Variants in GPHN observed in about 807,000 individuals in gnomAD.
The protein encoded by GPHN is gephyrin.
In GPHN, 17 loss-of-function variants were observed where a neutral mutation model predicts 95.5. The observed-to-expected ratio is 0.18, with a 90% confidence interval of 0.12 to 0.27. The LOEUF is 0.27. Among genes scored for constraint, GPHN ranks in the 10% least tolerant of loss-of-function variants. The pLI, the probability that GPHN is intolerant of heterozygous loss-of-function variation, is 1.00. For synonymous variants in GPHN, 320 were observed against 322.5 expected (o/e 0.99, Z 0.08); for missense variants, 660 against 978.1 (o/e 0.67, Z 4.34).
At chr14:67,670,723 T>C in the GPHN span, among the ~76,000 whole-genome samples, 3 of 152,176 alleles carry the variant, frequency 2.0e-5, no homozygotes, top group Non-Finnish European at 2.9e-5. Context: ...GAGATGGGGT[T>C]TCACCATGTT....
the GPHN span, among the ~76,000 whole-genome samples, chr14:67,323,261 GTATATA>G: frequency 3.2e-5 from 4 of 124,134 alleles, no homozygotes; most frequent in African/African-American, 8.3e-5. Flanking sequence ...GTGTGTGTGT[GTATATA>G]TATATATGGC....
At chr14:66,916,562 G>T in intron 6 of GPHN, among the ~76,000 whole-genome samples, 1 of 122,630 alleles carries the variant, frequency 8.2e-6, no homozygotes, top group African/African-American at 3.0e-5. Flanking sequence ...CCATGTGAAT[G>T]ACCTTTAGTC....
At chr14:67,231,831 T>C in the GPHN span, among the ~76,000 whole-genome samples, 1 of 151,896 alleles carries the variant, frequency 6.6e-6, no homozygotes, top group Non-Finnish European at 1.5e-5. Context: ...TAACTGGGCA[T>C]GGTGGTGGGT....
intron 17 of GPHN, among the ~76,000 whole-genome samples, chr14:67,129,838 G>GAGGA (rs377188375): frequency 1.3e-5 from 2 of 148,436 alleles, no homozygotes; most frequent in African/African-American, 2.5e-5. Flanking sequence ...GAGAGGGAGG[G>GAGGA]AGGAAGGAAG....
At chr14:66,532,286 TG>T (rs2058973006) in intron 1 of GPHN, among the ~76,000 whole-genome samples, 1 of 152,194 alleles carries the variant, frequency 6.6e-6, no homozygotes, top group African/African-American at 2.4e-5. Context: ...GAGGCTCAAC[TG>T]GGATTGTTGG....
the GPHN span, chr14:67,600,227 A>C: frequency 2.6e-6 from 4 of 1,544,578 alleles, no homozygotes; most frequent in Admixed American, 1.9e-5. Flanking sequence ...GGCCGCCCGC[A>C]CCGCGCGGCG....
At position 66,984,723 on chromosome 14, in the gene GPHN, T is replaced by C. The variant is rs112124791; in HGVS notation, c.963+19398T>C. On this transcript the variant is annotated intron_variant, in intron 9 of 22. Coordinates refer to ENST00000478722, the MANE Select transcript of GPHN (RefSeq NM_020806.5). ...TCACACTGATATTTCTGCTATCTCCTAATATAAGCAGGAACATCACAGCTA... is the reference window on the plus strand; with the variant it reads ...TCACACTGATATTTCTGCTATCTCCCAATATAAGCAGGAACATCACAGCTA... Among the ~76,000 whole-genome samples the C allele has an allele frequency of 3.1e-3, 470 of 152,264 alleles. 11 individuals are homozygous for C. The highest frequency in any genetic ancestry group is 0.011 in the African/African-American group (445 of 41,564).
chr14:67,653,902 G>A, the GPHN span, among the ~76,000 whole-genome samples: 1 of 152,206 alleles, frequency 6.6e-6, no homozygotes, highest in African/African-American at 2.4e-5. Context: ...AGGCTGGTCT[G>A]TTACTGCTTT....
chr14:66,683,744 G>A (rs1172003533), intron 2 of GPHN, among the ~76,000 whole-genome samples: 5 of 151,418 alleles, frequency 3.3e-5, no homozygotes, highest in African/African-American at 4.9e-5. Context: ...TTGGGAGGCC[G>A]AGGTGGGCGG....
chr14:66,812,787 C>T (rs1413588259), intron 3 of GPHN, among the ~76,000 whole-genome samples: 1 of 152,100 alleles, frequency 6.6e-6, no homozygotes, highest in African/African-American at 2.4e-5. Context: ...AAATTTATTC[C>T]TACTTATTTG....
chr14:66,749,053 A>C (rs936718396), intron 2 of GPHN, among the ~76,000 whole-genome samples: 31 of 151,876 alleles, frequency 2.0e-4, no homozygotes, highest in African/African-American at 6.3e-4. Flanking sequence ...GGATATTTTT[A>C]ATGTCTCTAT....
chr14:67,099,979 C>G (rs1209098243), intron 12 of GPHN, among the ~76,000 whole-genome samples: 4 of 152,002 alleles, frequency 2.6e-5, no homozygotes, highest in African/African-American at 9.7e-5. Flanking sequence ...AAAGCCACAT[C>G]ATATGTCAAG....
chr14:67,166,429 G>A (rs748274483), intron 20 of GPHN, among the ~76,000 whole-genome samples: 1 of 152,142 alleles, frequency 6.6e-6, no homozygotes, highest in Non-Finnish European at 1.5e-5. Context: ...AACAAAGAAT[G>A]TTACTGTGGG....
At chr14:66,824,406 A>G (rs2061319377) in intron 3 of GPHN, 68 bp from the exon 4 acceptor site, 2 of 777,308 alleles carry the variant, frequency 2.6e-6, no homozygotes, top group African/African-American at 1.7e-5. Context: ...AAAGTGTCCT[A>G]GGACTGGGAT....
chr14:67,686,742 C>A, the GPHN span, among the ~76,000 whole-genome samples: 1 of 151,476 alleles, frequency 6.6e-6, no homozygotes, highest in South Asian at 2.1e-4. Flanking sequence ...AACGCTGGGG[C>A]CAGACATACT....
chr14:66,875,723 C>T (rs904269472), intron 4 of GPHN, among the ~76,000 whole-genome samples: 2 of 152,088 alleles, frequency 1.3e-5, no homozygotes, highest in African/African-American at 4.8e-5. Flanking sequence ...TATATATGCA[C>T]CCAATACAGG....
At chr14:66,731,046 C>G (rs749876836) in intron 2 of GPHN, among the ~76,000 whole-genome samples, 10 of 152,192 alleles carry the variant, frequency 6.6e-5, no homozygotes, top group Non-Finnish European at 1.3e-4. Context: ...TGCTGGCTCT[C>G]TCTTGCCTAC....
At chr14:66,757,750 A>G (rs2058616643) in intron 2 of GPHN, among the ~76,000 whole-genome samples, 1 of 152,126 alleles carries the variant, frequency 6.6e-6, no homozygotes, top group Non-Finnish European at 1.5e-5. Context: ...GTAGGGAGGA[A>G]AACTTTTTAC....
intron 5 of GPHN, among the ~76,000 whole-genome samples, chr14:66,906,855 C>G (rs1285419970): frequency 6.6e-6 from 1 of 152,096 alleles, no homozygotes; most frequent in East Asian, 1.9e-4. Flanking sequence ...AATTTCAATT[C>G]TTTTAAATTT....
Sources: allele counts gnomAD v4.1 joint callset (sites outside exome capture counted in the v4.1 genomes callset), GRCh38; gene constraint gnomAD v4.1.1; transcripts MANE v1.5; gene names NCBI Gene and HGNC (gene_info 2026-07-23, HGNC 2026-07-21).